The following WNT9A variants were observed in gnomAD, a reference collection of about 807,000 sequenced individuals.
WNT9A encodes Wnt family member 9A.
In WNT9A, 8 loss-of-function variants were observed where a neutral mutation model predicts 31.4. The observed-to-expected ratio is 0.26, with a 90% CI of 0.15 to 0.46. The LOEUF is 0.46. Among genes scored for constraint, WNT9A ranks in the 20% least tolerant of loss-of-function variants. WNT9A has a pLI of 0.99. For synonymous variants in WNT9A, 236 were observed against 220.1 expected, an observed-to-expected ratio of 1.07 and a Z score of -0.64; for missense variants, 457 against 522.9, an observed-to-expected ratio of 0.87 and a Z score of 1.23.
In WNT9A at chr1:227,921,373, T is replaced by TACAC. The variant is rs201260595; in HGVS notation, c.*144_*145insGTGT. On this transcript the variant is annotated 3_prime_UTR_variant, in exon 4 of 4. Transcript: ENST00000272164. Reference sequence around the variant, plus strand: ...CCCAGGGACTCAGCCCATGCAGGTGTAGACCCATTCACACTGTGTGCAATG... The same window carrying TACAC: ...CCCAGGGACTCAGCCCATGCAGGTGTACACAGACCCATTCACACTGTGTGCAATG... The TACAC allele has an allele frequency of 1.3e-3, 1,727 of 1,326,434 alleles. 23 individuals carry two copies. In the African/African-American group the frequency reaches 0.022, roughly 17 times the overall value. 82.2% of individuals were successfully genotyped at this position (1,326,434 alleles called of 1,614,324 possible).
intron 3 of WNT9A, among the ~76,000 whole-genome samples, chr1:227,922,375 C>T (rs1666337069): frequency 6.6e-6 from 1 of 152,258 alleles, no homozygotes; most frequent in Non-Finnish European, 1.5e-5. Context: ...GACTTCACAT[C>T]TGCTCTCAGC....
chr1:227,925,628 G>A lies in WNT9A; in HGVS notation c.96-109C>T. On this transcript the variant is annotated intron_variant, in intron 1 of 3. Coordinates refer to ENST00000272164, the MANE Select transcript of WNT9A (RefSeq NM_003395.4). The surrounding 1 kb of genome is among the most constrained non-coding windows in gnomAD (Gnocchi z 6.0). ...GGGACAGGCGTGTCCATCCGGGGGT[G>A]AGGGGGCAGAAAGAATCCAGGATGA... is the stretch of plus-strand genomic sequence containing the variant. 7.1e-7 allele frequency: 1 copy of A among 1,407,702 alleles called. No individual in the cohort carries two copies. The highest frequency in any genetic ancestry group is 9.3e-7 in the Non-Finnish European group (1 of 1,079,870). The allele number at this position is 1,407,702 out of a possible 1,614,324, so 87.2% of individuals were successfully genotyped here. A position where few individuals can be genotyped will look rare whatever the true frequency, so the allele number is the denominator to read the frequency against.
At position 227,921,768 on chromosome 1, in the gene WNT9A, A is replaced by G. The variant is rs2102715921; in HGVS notation, c.848T>C (p.Leu283Pro). The G allele has an allele frequency of 6.2e-7, 1 of 1,612,360 alleles. No homozygotes were observed. Among genetic ancestry groups the G allele is most frequent in the Non-Finnish European group, 8.5e-7 (1 of 1,179,660 alleles). The change falls in exon 4 of 4, where the codon CTG becomes CCG. Residue 283 changes from leucine (L) to proline (P), a missense_variant. Leu to Pro is a moderately conservative substitution (Grantham distance 98). Coordinates refer to ENST00000272164, the MANE Select transcript of WNT9A (RefSeq NM_003395.4). The part of the protein sequence containing the change: ...RASGAGGSDP[L>P]PRTPELVHLD... ...GTGCACCAGCTCTGGAGTGCGGGGC[A>G]GCGGGTCGCTGCCACCTGCCCCCGA...
chr1:227,924,024 C>CTGTG lies in WNT9A; in HGVS notation c.615+110_615+113dup. 2.0e-5 allele frequency: 29 copies of CTGTG among 1,419,974 alleles called. No individual in the cohort carries two copies. In the South Asian group the frequency reaches 3.8e-4, roughly 18 times the overall value. 88.0% of individuals were successfully genotyped at this position (1,419,974 alleles called of 1,614,324 possible). On this transcript the variant is annotated intron_variant, in intron 3 of 3. Transcript: ENST00000272164. ...CACCCTCCTACAGGAGGCCACTCCACTGTGTGCCTGCCTGCCCTGCTGCAG... is the reference window on the plus strand; with the variant it reads ...CACCCTCCTACAGGAGGCCACTCCACTGTGTGTGTGCCTGCCTGCCCTGCTGCAG...
rs1666275103 is a variant in WNT9A at position 227,919,702 on chromosome 1, CACACACACA to C, written c.*1807_*1815del. The C allele has an allele frequency of 7.0e-6, 1 of 142,868 alleles. No individual in the cohort carries two copies. The highest frequency in any genetic ancestry group is 1.5e-5 in the Non-Finnish European group (1 of 64,654). The allele number at this position is 142,868 out of a possible 1,614,324, so 8.9% of individuals were successfully genotyped here. On this transcript the variant is annotated 3_prime_UTR_variant, in exon 4 of 4. Transcript: ENST00000272164. The stretch of plus-strand genomic sequence containing the variant: ...ATGCCAGTATACACACACACACACA[CACACACACA>C]CACACACACACAGACCATGCCAGCA...
rs1316010703 is a variant in WNT9A at position 227,947,833 on chromosome 1, G to T, written c.55C>A (p.Leu19Met). The change falls in exon 1 of 4, where the codon CTG (leucine) becomes ATG (methionine). Residue 19 changes from leucine (L) to methionine (M), a missense_variant. By Grantham distance (15) the Leu-to-Met change is conservative (BLOSUM62 2). Coordinates refer to ENST00000272164, the MANE Select transcript of WNT9A (RefSeq NM_003395.4). ...RWLAAAFGLTLLLAALRPSAA... is the reference protein window; with the variant it reads ...RWLAAAFGLTMLLAALRPSAA... Reference sequence around the variant, plus strand: ...GAAGGGCGCAGCGCGGCGAGCAGCAGCGTCAGCCCGAAGGCCGCGGCCAGC... The same window carrying T: ...GAAGGGCGCAGCGCGGCGAGCAGCATCGTCAGCCCGAAGGCCGCGGCCAGC... 9.1e-7 allele frequency: 1 copy of T among 1,094,854 alleles called. No individual in the cohort carries two copies. The allele number at this position is 1,094,854 out of a possible 1,614,324, so 67.8% of individuals were successfully genotyped here.
intron 1 of WNT9A, among the ~76,000 whole-genome samples, chr1:227,936,353 C>A (rs1046713783): frequency 6.6e-6 from 1 of 152,134 alleles, no homozygotes; most frequent in African/African-American, 2.4e-5. Context: ...ACATGCCCAG[C>A]TAATTTTTTT....
At position 227,925,283 on chromosome 1, in the gene WNT9A, C is replaced by T. The variant is rs760912006; in HGVS notation, c.332G>A (p.Arg111Gln). The T allele has an allele frequency of 2.4e-5, 38 of 1,567,890 alleles. No individual in the cohort carries two copies. The highest frequency in any genetic ancestry group is 2.6e-5 in the Non-Finnish European group (30 of 1,156,826). Residue 111 changes from arginine (R) to glutamine (Q), a missense_variant, in exon 2 of 4, where the codon CGG becomes CAG. Physicochemically the swap from Arg to Gln is conservative, Grantham distance 43. Transcript: ENST00000272164. The surrounding 1 kb of genome is among the most constrained non-coding windows in gnomAD (Gnocchi z 6.0). ...RWNCTLEGRY[R>Q]ASLLKRGFKE... ...CTCACCTCGCTTGAGCAGGCTGGCC[C>T]GGTAGCGGCCCTCCAGCGTGCAGTT...
intron 1 of WNT9A, among the ~76,000 whole-genome samples, chr1:227,944,920 T>A (rs1190508501): frequency 6.6e-6 from 1 of 152,080 alleles, no homozygotes; most frequent in African/African-American, 2.4e-5. Context: ...CCAGGACCCC[T>A]AAGGAAAGGG....
At chr1:227,929,067 G>A (rs971614373) in intron 1 of WNT9A, among the ~76,000 whole-genome samples, 1 of 152,196 alleles carries the variant, frequency 6.6e-6, no homozygotes, top group African/African-American at 2.4e-5. Flanking sequence ...GGAACCGACT[G>A]AAGACAGACA....
In WNT9A at chr1:227,919,603, G is replaced by A. The variant is rs1422148471; in HGVS notation, c.*1915C>T. ...CAGCCATCAGGACACCCACAAGACG[G>A]AGCCCAGGGCGAGAGGCTCTGGGAA... On this transcript the variant is annotated 3_prime_UTR_variant, in exon 4 of 4. Transcript: ENST00000272164. The A allele has an allele frequency of 1.3e-5, 2 of 151,804 alleles. No individual in the cohort carries two copies. Among genetic ancestry groups the A allele is most frequent in the African/African-American group, 2.4e-5 (1 of 41,200 alleles). 9.4% of individuals were successfully genotyped at this position (151,804 alleles called of 1,614,324 possible).
chr1:227,925,888 C>T lies in WNT9A; in HGVS notation c.96-369G>A, dbSNP rs1572125934. 1.3e-5 allele frequency among the ~76,000 whole-genome samples: 2 copies of T among 152,074 alleles called. No individual in the cohort carries two copies. The highest frequency in any genetic ancestry group is 2.1e-4 in the South Asian group (1 of 4,816). The stretch of plus-strand genomic sequence containing the variant: ...AGGGCTGTGGGCAGGGAGGAGGCTC[C>T]GGAGCCTGAATCCCAAACTATGCCT... On this transcript the variant is annotated intron_variant, in intron 1 of 3. Coordinates refer to ENST00000272164, the MANE Select transcript of WNT9A (RefSeq NM_003395.4). The surrounding 1 kb of genome is among the most constrained non-coding windows in gnomAD (Gnocchi z 6.0).
chr1:227,930,595 AGCC>A (rs1666495070), intron 1 of WNT9A, among the ~76,000 whole-genome samples: 2 of 152,226 alleles, frequency 1.3e-5, no homozygotes, highest in Admixed American at 1.3e-4. Context: ...TAAAGGTGGC[AGCC>A]GCCATCCTGG....
At position 227,921,312 on chromosome 1, in the gene WNT9A, G is replaced by C. The variant is rs570632792; in HGVS notation, c.*206C>G. Reference sequence around the variant, plus strand: ...GCCTGCACCCCATGCAGCTAGGACTGAGCCCAGGGACTCACCCCACGCTGC... The same window carrying C: ...GCCTGCACCCCATGCAGCTAGGACTCAGCCCAGGGACTCACCCCACGCTGC... On this transcript the variant is annotated 3_prime_UTR_variant, in exon 4 of 4. Coordinates refer to ENST00000272164, the MANE Select transcript of WNT9A (RefSeq NM_003395.4). The C allele has an allele frequency of 3.6e-5, 26 of 727,906 alleles. No homozygotes were observed. The East Asian group carries it at 6.9e-4, about 19-fold the overall frequency. The allele number at this position is 727,906 out of a possible 1,614,324, so 45.1% of individuals were successfully genotyped here.
Position 227,919,722 on chromosome 1 carries a change from C to CACACACACACACACAGAG in WNT9A, c.*1795_*1796insCTCTGTGTGTGTGTGTGT, listed in dbSNP as rs55730500. On this transcript the variant is annotated 3_prime_UTR_variant, in exon 4 of 4. Coordinates refer to ENST00000272164, the MANE Select transcript of WNT9A (RefSeq NM_003395.4). ...ACACACACACACACACACACACACA[C>CACACACACACACACAGAG]AGACCATGCCAGCATGCATTTATAC... 8 of 145,768 alleles carry CACACACACACACACAGAG rather than the reference C, an allele frequency of 5.5e-5. No individual in the cohort carries two copies. Among genetic ancestry groups the CACACACACACACACAGAG allele is most frequent in the African/African-American group, 2.1e-4 (8 of 38,512 alleles). The allele number at this position is 145,768 out of a possible 1,614,324, so 9.0% of individuals were successfully genotyped here.
At chr1:227,940,852 G>A (rs868170601) in intron 1 of WNT9A, among the ~76,000 whole-genome samples, 6 of 152,238 alleles carry the variant, frequency 3.9e-5, no homozygotes, top group African/African-American at 1.2e-4. Context: ...ACAGGCTCCT[G>A]GGAGGGCCCA....
At chr1:227,938,666 C>T (rs1666641284) in intron 1 of WNT9A, among the ~76,000 whole-genome samples, 1 of 152,186 alleles carries the variant, frequency 6.6e-6, no homozygotes, top group Non-Finnish European at 1.5e-5. Context: ...TGCACATACA[C>T]ATACATATAC....
At chr1:227,946,887 T>A (rs1333214497) in intron 1 of WNT9A, among the ~76,000 whole-genome samples, 1 of 151,898 alleles carries the variant, frequency 6.6e-6, no homozygotes, top group Admixed American at 6.5e-5. Flanking sequence ...GGCGTCCAGG[T>A]CGGGGGCTGG....
chr1:227,941,383 A>G (rs1471100585), intron 1 of WNT9A, among the ~76,000 whole-genome samples: 1 of 151,986 alleles, frequency 6.6e-6, no homozygotes. Context: ...CTGATCCCAG[A>G]GTTGAGCGAC....
Sources: allele counts gnomAD v4.1 joint callset (sites outside exome capture counted in the v4.1 genomes callset), GRCh38; gene constraint gnomAD v4.1.1; non-coding constraint Gnocchi (gnomAD v3.1); transcripts MANE v1.5; gene names NCBI Gene and HGNC (gene_info 2026-07-23, HGNC 2026-07-21).